CFAP54: variants seen among roughly 807,000 people sequenced by gnomAD.
CFAP54 encodes the protein cilia- and flagella-associated protein 54.
A neutral mutation model predicts 370.4 loss-of-function variants in CFAP54; 290 were observed. The ratio of observed to expected loss-of-function variants is 0.78; its 90% CI spans 0.71 to 0.86. The LOEUF (loss-of-function observed/expected upper bound fraction) is 0.86, where lower values mean the gene tolerates loss of function less well. Ranked by LOEUF, CFAP54 falls within the 40% of genes least tolerant of loss-of-function variation. The pLI is 0.00. For synonymous variants in CFAP54, 1,206 were observed against 1,236.5 expected, an observed-to-expected ratio of 0.98 and a Z score of 0.52; for missense variants, 3,399 against 3,528.7, an observed-to-expected ratio of 0.96 and a Z score of 0.93.
At chr12:96,771,035 A>G (rs1351033628) in intron 60 of CFAP54, among the ~76,000 whole-genome samples, 1 of 152,232 alleles carries the variant, frequency 6.6e-6, no homozygotes, top group Non-Finnish European at 1.5e-5. Context: ...ATAGTACAAA[A>G]ATTGTTTTAA....
At chr12:96,600,408 G>A (rs1294135974) in intron 26 of CFAP54, among the ~76,000 whole-genome samples, 1 of 152,190 alleles carries the variant, frequency 6.6e-6, no homozygotes, top group African/African-American at 2.4e-5. Context: ...ATAATTTGAA[G>A]TCAGGTAGAG....
chr12:96,684,303 C>A (rs573713279), intron 40 of CFAP54, among the ~76,000 whole-genome samples: 2 of 152,166 alleles, frequency 1.3e-5, no homozygotes, highest in Admixed American at 1.3e-4. Flanking sequence ...CTCCAGAAAA[C>A]TATACTCCAG....
At chr12:96,675,650 G>T (rs529963026) in intron 39 of CFAP54, among the ~76,000 whole-genome samples, 2 of 152,082 alleles carry the variant, frequency 1.3e-5, no homozygotes, top group Admixed American at 6.5e-5. Flanking sequence ...TATGTTTATC[G>T]CAGCACTATT....
chr12:96,727,185 A>G (rs928123039), intron 50 of CFAP54, among the ~76,000 whole-genome samples: 3 of 152,008 alleles, frequency 2.0e-5, no homozygotes, highest in African/African-American at 7.3e-5. Flanking sequence ...GTAGATGTCT[A>G]TTAGGTCCGC....
intron 67 of CFAP54, among the ~76,000 whole-genome samples, chr12:96,874,869 G>A (rs190920126): frequency 6.6e-6 from 1 of 151,558 alleles, no homozygotes; most frequent in Non-Finnish European, 1.5e-5. Context: ...CGCCCGCCTC[G>A]GCCTCCCAAA....
At chr12:96,828,768 A>G (rs1959156180) in intron 65 of CFAP54, among the ~76,000 whole-genome samples, 1 of 152,296 alleles carries the variant, frequency 6.6e-6, no homozygotes, top group South Asian at 2.1e-4. Flanking sequence ...TCAGAAGAAA[A>G]GTAATTTTTC....
intron 60 of CFAP54, among the ~76,000 whole-genome samples, chr12:96,778,367 G>T (rs1958545131): frequency 6.6e-6 from 1 of 152,012 alleles, no homozygotes; most frequent in African/African-American, 2.4e-5. Flanking sequence ...AATTTTTTTG[G>T]CTCATCACAT....
chr12:96,495,602 T>C (rs1954943473), intron 1 of CFAP54, among the ~76,000 whole-genome samples: 1 of 151,966 alleles, frequency 6.6e-6, no homozygotes, highest in Non-Finnish European at 1.5e-5. Flanking sequence ...ATTACAGGCA[T>C]GAGCCATCGT....
At chr12:96,806,838 G>C (rs1958887675) in intron 63 of CFAP54, among the ~76,000 whole-genome samples, 1 of 152,142 alleles carries the variant, frequency 6.6e-6, no homozygotes, top group Non-Finnish European at 1.5e-5. Flanking sequence ...GTTTAAGGGA[G>C]ATAGGGACTG....
At chr12:96,807,445 G>A (rs370047115) in intron 63 of CFAP54, among the ~76,000 whole-genome samples, 5 of 152,290 alleles carry the variant, frequency 3.3e-5, no homozygotes, top group South Asian at 4.1e-4. Context: ...AAGAGAGCTC[G>A]TCTTTCACTT....
intron 1 of CFAP54, among the ~76,000 whole-genome samples, chr12:96,498,689 A>C (rs534655926): frequency 2.2e-4 from 33 of 152,292 alleles, no homozygotes; most frequent in Middle Eastern, 3.4e-3. Context: ...AGTAGATAAC[A>C]TAGGAGAGAA....
rs183175392 is a variant in CFAP54, at chr12:96,533,947, G to T, written c.1513G>T (p.Ala505Ser). 9.8e-6 allele frequency: 15 copies of T among 1,522,904 alleles called. No individual in the cohort carries two copies. In the East Asian group the frequency reaches 3.7e-4, roughly 37 times the overall value. The allele number at this position is 1,522,904 out of a possible 1,614,324, so 94.3% of individuals were successfully genotyped here. ...YEEWSLFESS[A>S]VHLIYFLQRQ... ...GGAGTGGAGTTTATTTGAATCTTCT[G>T]CTGTACATCTTATTTATTTTCTCCA... The change falls in exon 10 of 68, where the codon GCT becomes TCT. Residue 505 changes from alanine to serine, a missense_variant. Coordinates refer to ENST00000524981, the MANE Select transcript of CFAP54 (RefSeq NM_001306084.2).
chr12:96,493,069 G>A (rs1954904204), intron 1 of CFAP54, among the ~76,000 whole-genome samples: 1 of 152,072 alleles, frequency 6.6e-6, no homozygotes, highest in Admixed American at 6.6e-5. Context: ...AGTAGACATG[G>A]GCCAGTCTAT....
intron 66 of CFAP54, among the ~76,000 whole-genome samples, chr12:96,859,128 C>A (rs1280698752): frequency 6.6e-6 from 1 of 152,096 alleles, no homozygotes; most frequent in Non-Finnish European, 1.5e-5. Flanking sequence ...TGATTTTCAA[C>A]AGAGGTGACA....
At chr12:96,540,741 TG>T in intron 13 of CFAP54, 95 bp from the exon 14 acceptor site, 1 of 679,050 alleles carries the variant, frequency 1.5e-6, no homozygotes, top group Non-Finnish European at 2.1e-6. Context: ...GATTAGAAGA[TG>T]GTTGTTTCAA....
At chr12:96,843,302 A>T (rs956867087) in intron 66 of CFAP54, among the ~76,000 whole-genome samples, 1 of 152,156 alleles carries the variant, frequency 6.6e-6, no homozygotes, top group Non-Finnish European at 1.5e-5. Flanking sequence ...CAGGTCAAAA[A>T]CCCACAGGCA....
intron 9 of CFAP54, among the ~76,000 whole-genome samples, chr12:96,528,721 C>A (rs548195670): frequency 6.6e-6 from 1 of 152,238 alleles, no homozygotes; most frequent in South Asian, 2.1e-4. Flanking sequence ...TTAGTCTTTG[C>A]AAAGAAACAA....
intron 48 of CFAP54, 48 bp downstream of exon 48, chr12:96,708,851 A>G (rs1957576460): frequency 2.1e-6 from 3 of 1,443,220 alleles, no homozygotes; most frequent in Admixed American, 2.0e-5. Context: ...CCCTTTCCCT[A>G]ACTGTTCTCC....
Position 96,699,991 on chromosome 12 carries a change from G to A in CFAP54, c.6372G>A (p.Leu2124=), listed in dbSNP as rs1195188811. The A allele has an allele frequency of 1.9e-6, 3 of 1,582,260 alleles. No individual in the cohort carries two copies. Among genetic ancestry groups the A allele is most frequent in the Admixed American group, 1.7e-5 (1 of 58,306 alleles). The change falls in exon 46 of 68, where the codon TTG becomes TTA. Residue 2124 remains leucine, a synonymous_variant. Transcript: ENST00000524981. ...RILKIEVLID[L]RFFSEAFYEI... is the part of the protein sequence containing the mutation. ...TACAGATAGAAGTCCTTATAGATTT[G>A]AGATTCTTTTCTGAAGCCTTTTATG...
Sources: allele counts gnomAD v4.1 joint callset (sites outside exome capture counted in the v4.1 genomes callset), GRCh38; gene constraint gnomAD v4.1.1; transcripts MANE v1.5; gene names NCBI Gene and HGNC (gene_info 2026-07-23, HGNC 2026-07-21).